The following HK2 variants were observed in gnomAD, a reference collection of about 807,000 sequenced individuals.
HK2 encodes the protein hexokinase-2.
HK2 carries 42 observed loss-of-function variants against 92.9 expected under a neutral mutation model. The observed-to-expected ratio is 0.45, with a 90% CI of 0.35 to 0.58. The LOEUF (loss-of-function observed/expected upper bound fraction) is 0.58. Among genes scored for constraint, HK2 ranks in the 20% least tolerant of loss-of-function variants. The probability of loss-of-function intolerance (pLI) is 0.00; values close to 1 mark genes in which losing one functional copy is unlikely to be tolerated. For missense variants in HK2, 978 were observed against 1,245.1 expected (o/e 0.79, Z 3.23); for synonymous variants, 422 against 468.0 (o/e 0.90, Z 1.27).
At chr2:74,863,794 T>A (rs2103921839) in intron 2 of HK2, among the ~76,000 whole-genome samples, 1 of 152,268 alleles carries the variant, frequency 6.6e-6, no homozygotes, top group Admixed American at 6.5e-5. Flanking sequence ...CTGGGGCCAC[T>A]GGAAATGATA....
rs774960625 is a variant in HK2, at chr2:74,877,244, G to A, written c.954G>A (p.Leu318=). The part of the protein sequence containing the change: ...LILVKMAKEE[L]LFGGKLSPEL... ...TGGTGAAGATGGCCAAGGAGGAGCT[G>A]CTCTTTGGGGGGAAGCTCAGCCCAG... The change falls in exon 8 of 18, where the codon CTG becomes CTA. Residue 318 remains leucine (L), a synonymous_variant. Coordinates refer to ENST00000290573, the MANE Select transcript of HK2 (RefSeq NM_000189.5). 9.9e-5 allele frequency: 160 copies of A among 1,613,976 alleles called. 4 individuals are homozygous for A. In the South Asian group the frequency reaches 1.5e-3, roughly 16 times the overall value.
chr2:74,839,014 T>C (rs1688240925), intron 1 of HK2, among the ~76,000 whole-genome samples: 1 of 152,210 alleles, frequency 6.6e-6, no homozygotes, highest in Non-Finnish European at 1.5e-5. Flanking sequence ...AATCCTGTAA[T>C]AGACATAGCT....
At chr2:74,849,513 C>G (rs923820809) in intron 1 of HK2, among the ~76,000 whole-genome samples, 2 of 152,300 alleles carry the variant, frequency 1.3e-5, no homozygotes, top group Non-Finnish European at 2.9e-5. Context: ...TGGAATGCCC[C>G]CTCCTCCTTT....
chr2:74,854,795 C>T lies in HK2; in HGVS notation c.226+340C>T, dbSNP rs74530490. Among the ~76,000 whole-genome samples, 16 of 152,306 alleles carry T rather than the reference C, an allele frequency of 1.1e-4. No homozygotes were observed. The East Asian group carries it at 3.1e-3, about 29-fold the overall frequency. On this transcript the variant is annotated intron_variant, in intron 2 of 17. Transcript: ENST00000290573. ...AGTGATGGTGATGAACTACAACAAACGTACCTCACGTGGCCACAACTGTAG... is the reference window on the plus strand; with the variant it reads ...AGTGATGGTGATGAACTACAACAAATGTACCTCACGTGGCCACAACTGTAG...
intron 7 of HK2, among the ~76,000 whole-genome samples, chr2:74,876,844 A>C (rs909937546): frequency 5.9e-5 from 9 of 152,254 alleles, no homozygotes; most frequent in Non-Finnish European, 1.3e-4. Context: ...TGGCTAGAGA[A>C]GAATTTTAAA....
intron 3 of HK2, 137 bp from the exon 4 acceptor site, chr2:74,872,163 G>T: frequency 9.5e-6 from 8 of 842,984 alleles, no homozygotes; most frequent in Non-Finnish European, 1.4e-5. Flanking sequence ...CTTTTTGTAG[G>T]TGAGCAAATG....
chr2:74,871,328 T>C (rs1244299754), intron 3 of HK2, among the ~76,000 whole-genome samples: 2 of 152,230 alleles, frequency 1.3e-5, no homozygotes, highest in Non-Finnish European at 2.9e-5. Context: ...GTTGACCTCT[T>C]ATCCACCTTG....
chr2:74,890,147 G>T (rs1389077159), intron 17 of HK2, among the ~76,000 whole-genome samples: 1 of 152,192 alleles, frequency 6.6e-6, no homozygotes, highest in Admixed American at 6.5e-5. Context: ...TGAGGATTGG[G>T]AGGGGGCAGA....
intron 2 of HK2, among the ~76,000 whole-genome samples, chr2:74,860,081 G>A (rs531626860): frequency 8.6e-5 from 13 of 151,900 alleles, no homozygotes; most frequent in South Asian, 6.2e-4. Flanking sequence ...GACAAATACC[G>A]CACGTTTTCA....
chr2:74,882,440 C>T (rs1307771061), intron 12 of HK2: 1 of 204,802 alleles, frequency 4.9e-6, no homozygotes, highest in African/African-American at 2.4e-5. Flanking sequence ...GCTGTGACAG[C>T]CTTTGGGACA....
chr2:74,886,001 G>A (rs914983929), intron 13 of HK2, among the ~76,000 whole-genome samples: 3 of 151,768 alleles, frequency 2.0e-5, no homozygotes, highest in Non-Finnish European at 4.4e-5. Context: ...TATTATTCAT[G>A]CCTTCCCTTT....
chr2:74,878,856 CA>C lies in HK2; in HGVS notation c.1203del (p.Gly402AlafsTer55). Reference sequence around the variant, plus strand: ...CCGTGCTGCAGCGCATCAAGGAGAACAAAGGCGAGGAGCGGCTGCGCTCTAC... The same window carrying C: ...CCGTGCTGCAGCGCATCAAGGAGAACAAGGCGAGGAGCGGCTGCGCTCTAC... ...AAVLQRIKEN[K>X]GEERLRSTIG... On this transcript the variant is annotated frameshift_variant, in exon 9 of 18. Transcript: ENST00000290573. LOFTEE classifies it high-confidence loss of function. 1 of 1,553,534 alleles carries C rather than the reference CA, an allele frequency of 6.4e-7. No homozygotes were observed. Among genetic ancestry groups the C allele is most frequent in the Non-Finnish European group, 8.7e-7 (1 of 1,147,996 alleles).
chr2:74,854,261 T>C (rs759575503), intron 1 of HK2, 32 bp from the exon 2 acceptor site: 1 of 1,608,312 alleles, frequency 6.2e-7, no homozygotes, highest in East Asian at 2.2e-5. Flanking sequence ...ATTTAACCAG[T>C]GGTTTCTGCT....
At chr2:74,872,943 A>T (rs1207768049) in intron 4 of HK2, among the ~76,000 whole-genome samples, 1 of 152,234 alleles carries the variant, frequency 6.6e-6, no homozygotes, top group African/African-American at 2.4e-5. Context: ...ATAGCATGTT[A>T]CTGTACTGAA....
At chr2:74,885,765 T>G (rs535199703) in intron 13 of HK2, among the ~76,000 whole-genome samples, 176 bp downstream of exon 13, 1 of 151,850 alleles carries the variant, frequency 6.6e-6, no homozygotes, top group Admixed American at 6.5e-5. Context: ...CTCTCAGCAC[T>G]GGCGGTTCAG....
chr2:74,877,256 G>C lies in HK2; in HGVS notation c.966G>C (p.Gly322=). The C allele has an allele frequency of 6.2e-7, 1 of 1,614,170 alleles. No homozygotes were observed. The highest frequency in any genetic ancestry group is 8.5e-7 in the Non-Finnish European group (1 of 1,180,026). The change falls in exon 8 of 18, where the codon GGG becomes GGC. Residue 322 remains glycine (G), a synonymous_variant. Coordinates refer to ENST00000290573, the MANE Select transcript of HK2 (RefSeq NM_000189.5). The part of the protein sequence containing the change: ...KMAKEELLFG[G]KLSPELLNTG... ...CCAAGGAGGAGCTGCTCTTTGGGGG[G>C]AAGCTCAGCCCAGAGCTTCTCAACA...
At chr2:74,835,440 A>C (rs1335498709) in intron 1 of HK2, 1 of 152,344 alleles carries the variant, frequency 6.6e-6, no homozygotes, top group Non-Finnish European at 1.5e-5. Context: ...CTTGAGATTT[A>C]TGTCCTTCCG....
At position 74,880,374 on chromosome 2, in the gene HK2, G is replaced by A. The variant is rs1689352388; in HGVS notation, c.1375G>A (p.Val459Met). 6.2e-7 allele frequency: 1 copy of A among 1,614,096 alleles called. No homozygotes were observed. Among genetic ancestry groups the A allele is most frequent in the Admixed American group, 1.7e-5 (1 of 60,008 alleles). Residue 459 changes from valine to methionine, a missense_variant, in exon 10 of 18, where the codon GTG (valine) becomes ATG (methionine). Physicochemically the swap from Val to Met is conservative, Grantham distance 21. Around this residue, in one of 3 missense-constraint regions of HK2, gnomAD observed 742 missense variants for 922.5 expected, o/e 0.80. Transcript: ENST00000290573. ...SGKGAAMVTA[V>M]AYRLADQHRA... The stretch of plus-strand genomic sequence containing the variant: ...CAAAGGTGCAGCCATGGTGACAGCA[G>A]TGGCTTACCGGCTGGCCGATCAACA...
intron 10 of HK2, 107 bp from the exon 11 acceptor site, chr2:74,881,604 G>C: frequency 2.8e-6 from 3 of 1,069,142 alleles, no homozygotes; most frequent in Non-Finnish European, 4.3e-6. Flanking sequence ...AATATAAAGT[G>C]GCATTTGATG....
Sources: gnomAD v4.1 joint callset for allele counts (sites outside exome capture counted in the v4.1 genomes callset) on GRCh38, gnomAD v4.1.1 for gene constraint, gnomAD v4.1.1 regional missense constraint, MANE v1.5 for transcripts, NCBI Gene and HGNC (gene_info 2026-07-23, HGNC 2026-07-21) for gene names.